Variants in RUNX2 observed in about 807,000 individuals in gnomAD.
The protein encoded by RUNX2 is RUNX family transcription factor 2.
A neutral mutation model predicts 51.7 loss-of-function variants in RUNX2; 10 were observed. The ratio of observed to expected loss-of-function variants is 0.19; its 90% CI spans 0.12 to 0.33. The LOEUF is 0.33. RUNX2 is among the 10% of genes least tolerant of loss of function. The pLI is 1.00. For synonymous variants in RUNX2, 276 were observed against 273.6 expected, an observed-to-expected ratio of 1.01 and a Z score of -0.09; for missense variants, 562 against 691.3, an observed-to-expected ratio of 0.81 and a Z score of 2.10.
At chr6:45,506,705 G>A (rs1034509646) in intron 6 of RUNX2, among the ~76,000 whole-genome samples, 2 of 152,138 alleles carry the variant, frequency 1.3e-5, no homozygotes, top group African/African-American at 2.4e-5. Context: ...GCCCAGGCTG[G>A]AGTACAGTGG....
intron 6 of RUNX2, among the ~76,000 whole-genome samples, chr6:45,504,137 G>C (rs1255202504): frequency 4.6e-5 from 7 of 152,160 alleles, no homozygotes; most frequent in Non-Finnish European, 7.4e-5. Context: ...GTGGGGACAA[G>C]GGGGGTCCGC....
intron 6 of RUNX2, among the ~76,000 whole-genome samples, chr6:45,509,423 A>G (rs62400363): frequency 0.1 from 15,565 of 152,248 alleles, 1,072 homozygotes; most frequent in Non-Finnish European, 0.16. Flanking sequence ...CAAAAACCCT[A>G]ATAAGTATCA....
rs1798736243 is a variant in RUNX2, at chr6:45,438,015, A to G, written c.649A>G (p.Ile217Val). The G allele has an allele frequency of 6.2e-7, 1 of 1,613,340 alleles. No homozygotes were observed. Among genetic ancestry groups the G allele is most frequent in the East Asian group, 2.2e-5 (1 of 44,856 alleles). The part of the protein sequence containing the change: ...PPQVATYHRA[I>V]KVTVDGPREP... ...CCAAGTAGCTACCTATCACAGAGCAATTAAAGTTACAGTAGATGGACCTCG... is the reference window on the plus strand; with the variant it reads ...CCAAGTAGCTACCTATCACAGAGCAGTTAAAGTTACAGTAGATGGACCTCG... The change falls in exon 5 of 9, where the codon ATT becomes GTT. Residue 217 changes from isoleucine (I) to valine (V), a missense_variant. This residue lies in a region of RUNX2 where 37 missense variants were observed against 66.5 expected (regional missense o/e 0.56). Coordinates refer to ENST00000647337, the MANE Select transcript of RUNX2 (RefSeq NM_001024630.4).
At chr6:45,425,172 C>A (rs890706437) in intron 3 of RUNX2, among the ~76,000 whole-genome samples, 2 of 152,166 alleles carry the variant, frequency 1.3e-5, no homozygotes, top group African/African-American at 4.8e-5. Context: ...CAGATGCTTA[C>A]ATTTTTAAAG....
chr6:45,402,755 C>T (rs992894201), intron 2 of RUNX2, among the ~76,000 whole-genome samples: 1 of 151,946 alleles, frequency 6.6e-6, no homozygotes, highest in African/African-American at 2.4e-5. Context: ...TCCTGTGGTC[C>T]CAGCAACTTT....
At chr6:45,512,434 C>T (rs1213324310) in intron 7 of RUNX2, 27 bp downstream of exon 7, 2 of 1,612,978 alleles carry the variant, frequency 1.2e-6, no homozygotes, top group Admixed American at 3.3e-5. Flanking sequence ...AACTAAAAAT[C>T]CATCCCTGCA....
intron 6 of RUNX2, 138 bp downstream of exon 6, chr6:45,492,252 C>A: frequency 1.3e-6 from 1 of 744,804 alleles, no homozygotes; most frequent in Non-Finnish European, 2.3e-6. Context: ...CTTGAAGACA[C>A]TGATTTCTTC....
chr6:45,444,859 G>C (rs1301475299), intron 5 of RUNX2, among the ~76,000 whole-genome samples: 2 of 152,126 alleles, frequency 1.3e-5, no homozygotes, highest in African/African-American at 4.8e-5. Flanking sequence ...GTGAAGGGTG[G>C]AGAGAATGGA....
chr6:45,501,000 C>T (rs371362309), intron 6 of RUNX2, among the ~76,000 whole-genome samples: 29 of 152,250 alleles, frequency 1.9e-4, no homozygotes, highest in South Asian at 1.0e-3. Context: ...GGAAATTTAA[C>T]GGGGAAATCC....
intron 2 of RUNX2, among the ~76,000 whole-genome samples, chr6:45,366,595 TA>T (rs1275117150): frequency 1.3e-5 from 2 of 152,154 alleles, no homozygotes; most frequent in Non-Finnish European, 2.9e-5. Flanking sequence ...AATTTAGATG[TA>T]TTACCCTTTT....
intron 2 of RUNX2, among the ~76,000 whole-genome samples, chr6:45,349,875 A>T (rs1791661721): frequency 3.3e-5 from 5 of 152,224 alleles, no homozygotes; most frequent in Admixed American, 3.3e-4. Context: ...AATTCCTTTT[A>T]CATCTCCTTT....
intron 5 of RUNX2, among the ~76,000 whole-genome samples, chr6:45,458,526 A>T (rs1323006845): frequency 2.6e-5 from 4 of 152,208 alleles, no homozygotes; most frequent in Admixed American, 6.5e-5. Flanking sequence ...CCGTGTCACC[A>T]ATGTGTTAAC....
intron 7 of RUNX2, among the ~76,000 whole-genome samples, chr6:45,523,157 C>G (rs1211839312): frequency 2.0e-5 from 3 of 152,044 alleles, no homozygotes; most frequent in Admixed American, 2.0e-4. Flanking sequence ...CACTGACATC[C>G]CTATGTCTTA....
At position 45,549,668 on chromosome 6, in the gene RUNX2, T is replaced by A. The variant is rs936417661; in HGVS notation, c.*2363T>A. On this transcript the variant is annotated 3_prime_UTR_variant, in exon 9 of 9. Coordinates refer to ENST00000647337, the MANE Select transcript of RUNX2 (RefSeq NM_001024630.4). Reference sequence around the variant, plus strand: ...GGTTACACATTTCAATTTTAATTAATTGACATAAAAATGCTACCGCCAGTG... The same window carrying A: ...GGTTACACATTTCAATTTTAATTAAATGACATAAAAATGCTACCGCCAGTG... 1.3e-5 allele frequency: 4 copies of A among 305,406 alleles called. No homozygotes were observed. The highest frequency in any genetic ancestry group is 5.0e-5 in the Admixed American group (1 of 19,860). 18.9% of individuals were successfully genotyped at this position (305,406 alleles called of 1,614,324 possible). A position where few individuals can be genotyped will look rare whatever the true frequency, so the allele number is the denominator to read the frequency against.
intron 2 of RUNX2, among the ~76,000 whole-genome samples, chr6:45,411,894 G>A (rs1335146413): frequency 6.6e-6 from 1 of 152,080 alleles, no homozygotes; most frequent in Admixed American, 6.6e-5. Context: ...AGAATAGTAA[G>A]CATTAAGCTT....
At chr6:45,532,932 C>A (rs1801908875) in intron 7 of RUNX2, among the ~76,000 whole-genome samples, 1 of 131,828 alleles carries the variant, frequency 7.6e-6, no homozygotes, top group Non-Finnish European at 1.6e-5. Flanking sequence ...TTTTCACGGT[C>A]ATCAAAACAA....
chr6:45,481,318 CA>C (rs1394015340), intron 5 of RUNX2, among the ~76,000 whole-genome samples: 6 of 152,082 alleles, frequency 3.9e-5, no homozygotes, highest in Admixed American at 2.0e-4. Flanking sequence ...GCTTTTTGTT[CA>C]ACTACGAAAA....
At chr6:45,422,348 C>T in intron 2 of RUNX2, 3 of 500,396 alleles carry the variant, frequency 6.0e-6, no homozygotes, top group Non-Finnish European at 1.1e-5. Context: ...CTGCGCCTCC[C>T]GGGTCTCCCT....
chr6:45,543,808 A>G (rs892304871), intron 7 of RUNX2, among the ~76,000 whole-genome samples: 1 of 151,924 alleles, frequency 6.6e-6, no homozygotes, highest in African/African-American at 2.4e-5. Context: ...CACAGACACA[A>G]CCTTATTCAA....
Sources: gnomAD v4.1 joint callset for allele counts (sites outside exome capture counted in the v4.1 genomes callset) on GRCh38, gnomAD v4.1.1 for gene constraint, gnomAD v4.1.1 regional missense constraint, MANE v1.5 for transcripts, NCBI Gene and HGNC (gene_info 2026-07-23, HGNC 2026-07-21) for gene names.